FOXN3: variants seen among roughly 807,000 people sequenced by gnomAD.
FOXN3 encodes forkhead box N3.
FOXN3 carries 7 observed loss-of-function variants against 38.4 expected under a neutral mutation model. The ratio of observed to expected loss-of-function variants is 0.18; its 90% CI spans 0.10 to 0.34. FOXN3 has a LOEUF of 0.34. FOXN3 is among the 10% of genes least tolerant of loss of function. FOXN3 has a pLI of 1.00. For missense variants in FOXN3, 456 were observed against 613.4 expected (o/e 0.74, Z 2.71); for synonymous variants, 230 against 242.2 (o/e 0.95, Z 0.47).
chr14:89,606,718 C>T (rs1462980413), intron 1 of FOXN3, among the ~76,000 whole-genome samples: 11 of 152,040 alleles, frequency 7.2e-5, no homozygotes, highest in African/African-American at 1.9e-4. Context: ...GGTGTGGTGG[C>T]GCACGCCTGT....
At position 89,446,531 on chromosome 14, in the gene FOXN3, C is replaced by T. The variant is rs115287402; in HGVS notation, c.-14-34041G>A. Among the ~76,000 whole-genome samples, 345 of 152,252 alleles carry T rather than the reference C, an allele frequency of 2.3e-3. 1 individual carries two copies. The highest frequency in any genetic ancestry group is 7.8e-3 in the African/African-American group (325 of 41,564). On this transcript the variant is annotated intron_variant, in intron 1 of 6. Transcript: ENST00000345097. ...AAGAAATTACAAAAATCATAATGAC[C>T]ACTGTGGACAACTTAGAAAAGAGTT... is the stretch of plus-strand genomic sequence containing the variant.
intron 1 of FOXN3, among the ~76,000 whole-genome samples, chr14:89,522,050 C>T (rs1330365033): frequency 6.7e-6 from 1 of 149,918 alleles, no homozygotes; most frequent in African/African-American, 2.4e-5. Context: ...GAAAAGAAAA[C>T]TAACAGCAAA....
chr14:89,479,315 C>T (rs528645757), intron 1 of FOXN3, among the ~76,000 whole-genome samples: 2 of 152,226 alleles, frequency 1.3e-5, no homozygotes, highest in Admixed American at 6.5e-5. Flanking sequence ...CCCTCTCTCT[C>T]GGGAGCCCTA....
intron 2 of FOXN3, among the ~76,000 whole-genome samples, chr14:89,402,814 C>T (rs1288051936): frequency 6.6e-6 from 1 of 152,212 alleles, no homozygotes; most frequent in Non-Finnish European, 1.5e-5. Flanking sequence ...AGACTTCTTT[C>T]ATGTAATGGA....
chr14:89,513,298 C>G (rs1894134066), intron 1 of FOXN3, among the ~76,000 whole-genome samples: 1 of 151,868 alleles, frequency 6.6e-6, no homozygotes, highest in Non-Finnish European at 1.5e-5. Context: ...CAGGGTCTCA[C>G]TCTGTGGCCC....
intron 5 of FOXN3, among the ~76,000 whole-genome samples, chr14:89,167,272 C>T (rs1036472996): frequency 6.6e-6 from 1 of 152,210 alleles, no homozygotes; most frequent in Admixed American, 6.5e-5. Flanking sequence ...TGTAGGTTTA[C>T]GACATGGCCA....
chr14:89,231,935 A>G (rs751651223), intron 4 of FOXN3, among the ~76,000 whole-genome samples: 6 of 152,200 alleles, frequency 3.9e-5, no homozygotes, highest in Non-Finnish European at 7.3e-5. Context: ...GACATTTGCA[A>G]GAGCTGGGAG....
rs80232064 is a variant in FOXN3, at chr14:89,452,431, T to C, written c.-14-39941A>G. On this transcript the variant is annotated intron_variant, in intron 1 of 6. Transcript: ENST00000345097. ...GGAATGAGCACAGCTGAGACCGTCATCGACCATCACAGGAGCTGCACTAAT... is the reference window on the plus strand; with the variant it reads ...GGAATGAGCACAGCTGAGACCGTCACCGACCATCACAGGAGCTGCACTAAT... Among the ~76,000 whole-genome samples the C allele has an allele frequency of 3.9e-3, 589 of 152,246 alleles. 3 individuals carry two copies. The highest frequency in any genetic ancestry group is 0.014 in the African/African-American group (563 of 41,546).
chr14:89,264,963 C>T (rs1885924585), intron 4 of FOXN3, among the ~76,000 whole-genome samples: 1 of 152,164 alleles, frequency 6.6e-6, no homozygotes, highest in Admixed American at 6.5e-5. Flanking sequence ...TAAGAATGTA[C>T]ACATCTTTTC....
At chr14:89,368,860 CT>C (rs1426377200) in intron 2 of FOXN3, among the ~76,000 whole-genome samples, 1 of 152,184 alleles carries the variant, frequency 6.6e-6, no homozygotes, top group African/African-American at 2.4e-5. Context: ...TAATTAATAA[CT>C]GACGTGATAG....
At position 89,399,479 on chromosome 14, in the gene FOXN3, C is replaced by T. The variant is rs373464679; in HGVS notation, c.543+12455G>A. ...CTTTGTTGCTCTCTGACACTGCTCC[C>T]GCTCCATGGGACTGGCTGTTATGTT... is the stretch of plus-strand genomic sequence containing the variant. On this transcript the variant is annotated intron_variant, in intron 2 of 5. Coordinates refer to ENST00000557258, the MANE Select transcript of FOXN3 (RefSeq NM_005197.4). 5.9e-5 allele frequency among the ~76,000 whole-genome samples: 9 copies of T among 152,304 alleles called. No individual in the cohort carries two copies. The East Asian group carries it at 1.4e-3, about 23-fold the overall frequency.
intron 2 of FOXN3, among the ~76,000 whole-genome samples, chr14:89,393,313 T>TA (rs1891008298): frequency 6.6e-6 from 1 of 152,212 alleles, no homozygotes; most frequent in South Asian, 2.1e-4. Flanking sequence ...GACCTCATTT[T>TA]AACTTGATTA....
chr14:89,200,034 G>T (rs1191601723), intron 4 of FOXN3, among the ~76,000 whole-genome samples: 1 of 152,170 alleles, frequency 6.6e-6, no homozygotes, highest in Non-Finnish European at 1.5e-5. Flanking sequence ...ATACCCAACG[G>T]ATGACTGTGC....
At chr14:89,435,451 A>G (rs1892256655) in intron 1 of FOXN3, among the ~76,000 whole-genome samples, 1 of 151,298 alleles carries the variant, frequency 6.6e-6, no homozygotes, top group Admixed American at 6.6e-5. Context: ...TACATGAGAG[A>G]CAGAGAAGAA....
chr14:89,601,185 T>C (rs1226680166), intron 1 of FOXN3, among the ~76,000 whole-genome samples: 1 of 152,198 alleles, frequency 6.6e-6, no homozygotes, highest in African/African-American at 2.4e-5. Flanking sequence ...GCCTGACCCT[T>C]CCTGGAATTT....
In FOXN3 at chr14:89,329,503, A is replaced by G. The variant is rs571100038; in HGVS notation, c.680+21169T>C. On this transcript the variant is annotated intron_variant, in intron 3 of 5. Transcript: ENST00000557258. ...GGGGTGCTACTGGTACCTGGTGGGT[A>G]GAGGCCAAGGATGTTTCCAGACATC... 3.3e-5 allele frequency among the ~76,000 whole-genome samples: 5 copies of G among 152,266 alleles called. No individual in the cohort carries two copies. In the South Asian group the frequency reaches 8.3e-4, roughly 25 times the overall value.
chr14:89,204,864 T>A (rs191105542), intron 4 of FOXN3, among the ~76,000 whole-genome samples: 8 of 152,102 alleles, frequency 5.3e-5, no homozygotes, highest in African/African-American at 1.9e-4. Context: ...CCATCCATCA[T>A]TGAGAACAAA....
intron 2 of FOXN3, among the ~76,000 whole-genome samples, chr14:89,357,852 T>G (rs941425427): frequency 6.6e-6 from 1 of 152,210 alleles, no homozygotes; most frequent in African/African-American, 2.4e-5. Context: ...CTCGCTATTA[T>G]GCAACGCGCG....
intron 1 of FOXN3, among the ~76,000 whole-genome samples, chr14:89,443,701 GA>G (rs964494382): frequency 2.6e-5 from 4 of 152,156 alleles, no homozygotes; most frequent in African/African-American, 9.7e-5. Context: ...GGACTGTCAG[GA>G]AAGATGGTTG....
Sources: gnomAD v4.1 joint callset for allele counts (sites outside exome capture counted in the v4.1 genomes callset) on GRCh38, gnomAD v4.1.1 for gene constraint, MANE v1.5 for transcripts, NCBI Gene and HGNC (gene_info 2026-07-23, HGNC 2026-07-21) for gene names.